The following CFI variants were observed in gnomAD, a reference collection of about 807,000 sequenced individuals.
CFI encodes the protein C3B/C4B inactivator.
In CFI, 66 loss-of-function variants were observed where a neutral mutation model predicts 78.8. The ratio of observed to expected loss-of-function variants is 0.84; its 90% CI spans 0.69 to 1.03. CFI has a LOEUF of 1.03. CFI is among the 50% of genes least tolerant of loss of function. The pLI is 0.00. For synonymous variants in CFI, 250 were observed against 232.6 expected, an observed-to-expected ratio of 1.07 and a Z score of -0.68; for missense variants, 706 against 704.5, an observed-to-expected ratio of 1.00 and a Z score of -0.02.
At chr4:109,737,425 G>T (rs1579141224), downstream of CFI, among the ~76,000 whole-genome samples, 1 of 152,254 alleles carries the variant, frequency 6.6e-6, no homozygotes, top group East Asian at 1.9e-4. Context: ...TGTCAGGCTG[G>T]TTTCTAGATC....
Position 109,752,797 on chromosome 4 carries a change from C to G in CFI, c.905-294G>C, listed in dbSNP as rs11936921. On this transcript the variant is annotated intron_variant, in intron 7 of 12. Transcript: ENST00000394634. ...GTCACAGTTTCCAGTAGTTAGAGCA[C>G]GCAAAATGCACAGCCCAGAAGAGGA... Among the ~76,000 whole-genome samples, 140,299 of 144,614 alleles carry G rather than the reference C, an allele frequency of 0.97. 68,211 individuals are homozygous for G. The highest frequency in any genetic ancestry group is 1 in the East Asian group (5,136 of 5,136). The allele number at this position is 144,614 out of a possible 152,430, so 94.9% of individuals were successfully genotyped here.
At position 109,764,572 on chromosome 4, in the gene CFI, T is replaced by G; in HGVS notation, c.447A>C (p.Glu149Asp). Residue 149 changes from glutamate (E) to aspartate (D), a missense_variant, in exon 3 of 13, where the codon GAA becomes GAC. Glu to Asp is a conservative substitution (Grantham distance 45, BLOSUM62 2). Coordinates refer to ENST00000394634, the MANE Select transcript of CFI (RefSeq NM_000204.5). Reference protein sequence around the residue: ...FICKSSWSMREANVACLDLGF... With the variant: ...FICKSSWSMRDANVACLDLGF... ...CAAGGTCAAGGCAGGCCACGTTGGC[T>G]TCCCTCATGCTCCAGCTGCTTTTGC... The G allele has an allele frequency of 6.2e-7, 1 of 1,614,152 alleles. No homozygotes were observed. The highest frequency in any genetic ancestry group is 8.5e-7 in the Non-Finnish European group (1 of 1,180,024).
At chr4:109,776,870 C>A (rs952937982) in intron 1 of CFI, among the ~76,000 whole-genome samples, 10 of 152,178 alleles carry the variant, frequency 6.6e-5, no homozygotes, top group Non-Finnish European at 1.0e-4. Flanking sequence ...TCAAGACAAA[C>A]TAAGCTTCAT....
chr4:109,735,678 A>C, the CFI span, among the ~76,000 whole-genome samples: 1 of 152,248 alleles, frequency 6.6e-6, no homozygotes, highest in Admixed American at 6.5e-5. Flanking sequence ...TCCATCCATA[A>C]TGATTAATCT....
At chr4:109,742,404 A>C (rs1344974139) in intron 12 of CFI, 87 bp downstream of exon 12, 4 of 900,484 alleles carry the variant, frequency 4.4e-6, no homozygotes, top group African/African-American at 1.6e-5. Context: ...TAGGGCCCAA[A>C]GCATGGGGGC....
chr4:109,759,944 A>AACAG (rs1726820026), intron 6 of CFI, among the ~76,000 whole-genome samples: 2 of 151,658 alleles, frequency 1.3e-5, no homozygotes, highest in Non-Finnish European at 2.9e-5. Flanking sequence ...CATACAAACA[A>AACAG]ACAAACTGGA....
chr4:109,738,623 G>T (rs748688178), downstream of CFI, among the ~76,000 whole-genome samples: 1 of 152,288 alleles, frequency 6.6e-6, no homozygotes, highest in Middle Eastern at 3.4e-3. Flanking sequence ...GGTTAGAGAA[G>T]GCCATGCAGG....
At position 109,756,959 on chromosome 4, in the gene CFI, AAGAAAGAAAGAAAGAAAG is replaced by A. The variant is rs1438351134; in HGVS notation, c.904+786_904+803del. Among the ~76,000 whole-genome samples the A allele has an allele frequency of 8.6e-5, 12 of 140,146 alleles. No individual in the cohort carries two copies. In the South Asian group the frequency reaches 1.5e-3, roughly 18 times the overall value. The allele number at this position is 140,146 out of a possible 152,430, so 91.9% of individuals were successfully genotyped here. A position where few individuals can be genotyped will look rare whatever the true frequency, so the allele number is the denominator to read the frequency against. On this transcript the variant is annotated intron_variant, in intron 7 of 12. Transcript: ENST00000394634. Reference sequence around the variant, plus strand: ...AAAGAAAGAAAGAAAGAAAGAAAGAAAGAAAGAAAGAAAGAAAGAAATTCTGAGGAGGATCATGAACTT... The same window carrying A: ...AAAGAAAGAAAGAAAGAAAGAAAGAAAAATTCTGAGGAGGATCATGAACTT...
Position 109,761,653 on chromosome 4 carries a change from G to C in CFI, c.522C>G (p.Leu174=). The C allele has an allele frequency of 6.2e-7, 1 of 1,613,760 alleles. No homozygotes were observed. Among genetic ancestry groups the C allele is most frequent in the Non-Finnish European group, 8.5e-7 (1 of 1,179,762 alleles). Residue 174 remains leucine (L), a synonymous_variant, in exon 4 of 13, where the codon CTC becomes CTG. Coordinates refer to ENST00000394634, the MANE Select transcript of CFI (RefSeq NM_000204.5). The part of the protein sequence containing the change: ...DTQRRFKLSD[L]SINSTECLHV... ...GTAGACATTCAGTGGAATTTATAGA[G>C]AGATCAGACAACTTAAACCTTCTTT...
At chr4:109,742,701 A>AAT in intron 11 of CFI, 106 bp from the exon 12 acceptor site, 1 of 728,890 alleles carries the variant, frequency 1.4e-6, no homozygotes, top group Non-Finnish European at 2.4e-6. Context: ...TATAGTTTTC[A>AAT]ATATATATAA....
intron 2 of CFI, among the ~76,000 whole-genome samples, chr4:109,766,038 A>G (rs1240017054): frequency 6.6e-6 from 1 of 152,136 alleles, no homozygotes; most frequent in African/African-American, 2.4e-5. Context: ...GAATGGCATG[A>G]ACCCGGGAGG....
At chr4:109,757,297 G>A (rs547025380) in intron 7 of CFI, among the ~76,000 whole-genome samples, 1 of 152,116 alleles carries the variant, frequency 6.6e-6, no homozygotes, top group South Asian at 2.1e-4. Flanking sequence ...GCATCCCAAA[G>A]TGCTGGGATT....
intron 1 of CFI, among the ~76,000 whole-genome samples, chr4:109,785,807 T>C (rs183988581): frequency 6.6e-5 from 10 of 152,144 alleles, no homozygotes; most frequent in African/African-American, 2.4e-4. Flanking sequence ...CAAGACCTGA[T>C]GGTTTCATAA....
At chr4:109,762,017 C>A (rs1727137082) in intron 3 of CFI, 1 of 306,048 alleles carries the variant, frequency 3.3e-6, no homozygotes, top group Admixed American at 4.6e-5. Context: ...TGGTGAAAAT[C>A]CTATCTCTAC....
intron 1 of CFI, among the ~76,000 whole-genome samples, chr4:109,799,718 T>G (rs1232551156): frequency 6.6e-6 from 1 of 152,246 alleles, no homozygotes; most frequent in African/African-American, 2.4e-5. Context: ...CTTTAACATT[T>G]GCAAACTAAG....
intron 4 of CFI, among the ~76,000 whole-genome samples, chr4:109,761,279 G>A (rs1727020130): frequency 6.6e-6 from 1 of 152,210 alleles, no homozygotes; most frequent in African/African-American, 2.4e-5. Context: ...AATGAAGCAA[G>A]GGGAGTCAGG....
At chr4:109,773,668 C>T (rs1405116291) in intron 1 of CFI, among the ~76,000 whole-genome samples, 2 of 152,034 alleles carry the variant, frequency 1.3e-5, no homozygotes, top group Admixed American at 6.6e-5. Flanking sequence ...TTAAATCATT[C>T]TGTGGGTGGG....
intron 1 of CFI, among the ~76,000 whole-genome samples, chr4:109,790,775 A>T (rs1731276982): frequency 6.6e-6 from 1 of 152,004 alleles, no homozygotes; most frequent in African/African-American, 2.4e-5. Flanking sequence ...GATCTTGTTG[A>T]TCTTGTTCTC....
Position 109,761,700 on chromosome 4 carries a change from T to C in CFI, c.483-8A>G. ...CTTTGAGTATCAGCACCTCTGCAAA[T>C]AGAATAAAGGAAACATTATGGTAGA... On this transcript the variant is annotated splice_polypyrimidine_tract_variant and splice_region_variant and intron_variant, in intron 3 of 12. Transcript: ENST00000394634. The C allele has an allele frequency of 6.2e-7, 1 of 1,604,578 alleles. No homozygotes were observed. Among genetic ancestry groups the C allele is most frequent in the African/African-American group, 1.3e-5 (1 of 74,848 alleles).
Sources: allele counts gnomAD v4.1 joint callset (sites outside exome capture counted in the v4.1 genomes callset), GRCh38; gene constraint gnomAD v4.1.1; transcripts MANE v1.5; gene names NCBI Gene and HGNC (gene_info 2026-07-23, HGNC 2026-07-21).